Variants in CLDN16 observed in about 807,000 individuals in gnomAD.
The protein encoded by CLDN16 is claudin-16.
In CLDN16, 13 loss-of-function variants were observed where a neutral mutation model predicts 24.6. That is an observed-to-expected ratio of 0.53 (90% CI 0.34 to 0.84). The LOEUF is 0.84. Ranked by LOEUF, CLDN16 falls within the 40% of genes least tolerant of loss-of-function variation. The pLI is 0.01. For synonymous variants in CLDN16, 116 were observed against 106.7 expected (o/e 1.09, Z -0.54); for missense variants, 298 against 292.7 (o/e 1.02, Z -0.13).
upstream of CLDN16, among the ~76,000 whole-genome samples, chr3:190,318,938 G>C (rs1045449602): frequency 6.6e-6 from 1 of 152,134 alleles, no homozygotes; most frequent in Non-Finnish European, 1.5e-5. Flanking sequence ...AGTTAAACAG[G>C]CTAGAGGAGC....
intron 1 of CLDN16, among the ~76,000 whole-genome samples, chr3:190,335,023 C>CTTTTTTTTTTTTTTTTTTTTTTTTTTTTT (rs57744577): frequency 4.5e-5 from 6 of 134,390 alleles, no homozygotes; most frequent in Non-Finnish European, 9.7e-5. Context: ...TTTCTTTTTT[C>CTTTTTTTTTTTTTTTTTTTTTTTTTTTTT]TTTTTTTTTT....
the CLDN16 span, chr3:190,308,322 C>T: frequency 1.9e-6 from 3 of 1,613,698 alleles, no homozygotes; most frequent in East Asian, 2.2e-5. Flanking sequence ...TTGGATAGGG[C>T]CTTGGTGTTG....
At chr3:190,382,104 G>T (rs537663198) in intron 3 of CLDN16, among the ~76,000 whole-genome samples, 1 of 152,038 alleles carries the variant, frequency 6.6e-6, no homozygotes, top group South Asian at 2.1e-4. Context: ...AATGAACATA[G>T]GATATATGTG....
intron 1 of CLDN16, among the ~76,000 whole-genome samples, chr3:190,359,156 T>A (rs1001151436): frequency 2.0e-5 from 3 of 152,046 alleles, no homozygotes; most frequent in African/African-American, 7.2e-5. Context: ...ATTTGGTCAT[T>A]CAAGTGTTTT....
chr3:190,374,496 C>T (rs1718208083), intron 2 of CLDN16: 1 of 151,872 alleles, frequency 6.6e-6, no homozygotes, highest in Non-Finnish European at 1.5e-5. Context: ...CCCTAACACC[C>T]TTATAACAAT....
intron 3 of CLDN16, among the ~76,000 whole-genome samples, chr3:190,381,136 G>A (rs747029364): frequency 6.6e-6 from 1 of 152,062 alleles, no homozygotes; most frequent in Admixed American, 6.6e-5. Flanking sequence ...GGGAGGTGAC[G>A]CCGGTGCAGT....
At chr3:190,331,312 G>A (rs757505128) in intron 1 of CLDN16, among the ~76,000 whole-genome samples, 9 of 152,144 alleles carry the variant, frequency 5.9e-5, no homozygotes, top group Non-Finnish European at 1.2e-4. Flanking sequence ...AATATTTACT[G>A]AGTACACAGT....
chr3:190,317,617 C>T (rs1427314458), upstream of CLDN16, among the ~76,000 whole-genome samples: 2 of 152,074 alleles, frequency 1.3e-5, no homozygotes, highest in Non-Finnish European at 2.9e-5. Context: ...AGCCATATTA[C>T]CTTAGGTTCT....
chr3:190,291,817 G>T, the CLDN16 span, among the ~76,000 whole-genome samples: 1 of 152,074 alleles, frequency 6.6e-6, no homozygotes, highest in Non-Finnish European at 1.5e-5. Context: ...CCAAAACAAA[G>T]GTGCTACAGG....
chr3:190,366,976 C>T (rs1209079850), intron 1 of CLDN16, among the ~76,000 whole-genome samples: 1 of 151,854 alleles, frequency 6.6e-6, no homozygotes, highest in Non-Finnish European at 1.5e-5. Flanking sequence ...AAAATTGCCC[C>T]AAAGCAGCAT....
At chr3:190,351,842 T>A (rs1367875520) in intron 1 of CLDN16, among the ~76,000 whole-genome samples, 1 of 152,144 alleles carries the variant, frequency 6.6e-6, no homozygotes, top group African/African-American at 2.4e-5. Context: ...GGAAAGGTAA[T>A]ATTGACTATA....
chr3:190,399,819 TG>T (rs34967275), intron 1 of CLDN16, among the ~76,000 whole-genome samples: 13,273 of 152,070 alleles, frequency 0.087, 643 homozygotes, highest in Middle Eastern at 0.2. Flanking sequence ...GGCTGTGCAG[TG>T]GGAGGTGAGC....
chr3:190,408,557 C>A, intron 4 of CLDN16, 52 bp downstream of exon 4: 1 of 1,509,194 alleles, frequency 6.6e-7, no homozygotes, highest in Non-Finnish European at 9.2e-7. Flanking sequence ...TCGTTTTTCC[C>A]AATCCAGTGG....
chr3:190,398,129 C>T (rs558167116), intron 1 of CLDN16, among the ~76,000 whole-genome samples: 353 of 152,324 alleles, frequency 2.3e-3, no homozygotes, highest in African/African-American at 8.0e-3. Context: ...CATTAAGACA[C>T]TACAGGGCAG....
the CLDN16 span, among the ~76,000 whole-genome samples, chr3:190,302,526 T>C: frequency 6.6e-6 from 1 of 152,054 alleles, no homozygotes; most frequent in African/African-American, 2.4e-5. Context: ...ATCCTGCAGT[T>C]TGGGAGGCTG....
chr3:190,330,293 C>A (rs113017018), intron 1 of CLDN16, among the ~76,000 whole-genome samples: 4,774 of 152,158 alleles, frequency 0.031, 116 homozygotes, highest in East Asian at 0.081. Flanking sequence ...TTAAAATACT[C>A]AATTATGCTG....
intron 1 of CLDN16, among the ~76,000 whole-genome samples, chr3:190,393,771 A>G (rs62278706): frequency 2.2e-5 from 3 of 133,832 alleles, no homozygotes; most frequent in Non-Finnish European, 4.7e-5. Context: ...TTTTTTTTAA[A>G]TCAGAATCTC....
At chr3:190,362,986 G>A (rs1259916275) in intron 1 of CLDN16, among the ~76,000 whole-genome samples, 3 of 152,018 alleles carry the variant, frequency 2.0e-5, no homozygotes, top group East Asian at 3.9e-4. Context: ...ACTTGCATAT[G>A]TGCATTTTTT....
chr3:190,356,818 A>T (rs1313184827), intron 1 of CLDN16, among the ~76,000 whole-genome samples: 3 of 151,934 alleles, frequency 2.0e-5, no homozygotes, highest in Admixed American at 2.0e-4. Context: ...ATGATTGCAG[A>T]TATCATAATA....
Sources: gnomAD v4.1 joint callset for allele counts (sites outside exome capture counted in the v4.1 genomes callset) on GRCh38, gnomAD v4.1.1 for gene constraint, MANE v1.5 for transcripts, NCBI Gene and HGNC (gene_info 2026-07-23, HGNC 2026-07-21) for gene names.